Variants in MOV10L1 observed in about 807,000 individuals in gnomAD.
The protein encoded by MOV10L1 is Mov10 like RNA helicase 1.
A neutral mutation model predicts 143.8 loss-of-function variants in MOV10L1; 110 were observed. The observed-to-expected ratio is 0.76, with a 90% confidence interval of 0.66 to 0.90. MOV10L1 has a LOEUF of 0.90. MOV10L1 is among the 40% of genes least tolerant of loss of function. The probability of loss-of-function intolerance (pLI) is 0.00; values close to 1 mark genes in which losing one functional copy is unlikely to be tolerated. For missense variants in MOV10L1, 1,406 were observed against 1,526.8 expected, an observed-to-expected ratio of 0.92 and a Z score of 1.32; for synonymous variants, 593 against 581.1, an observed-to-expected ratio of 1.02 and a Z score of -0.29.
intron 8 of MOV10L1, 71 bp from the exon 9 acceptor site, chr22:50,117,086 A>G (rs996808503): frequency 2.1e-6 from 3 of 1,442,976 alleles, no homozygotes; most frequent in Admixed American, 2.1e-5. Flanking sequence ...TCTTGTATGT[A>G]CAAAGGAAAA....
In MOV10L1 at chr22:50,113,851, A is replaced by G. The variant is rs995654355; in HGVS notation, c.884+63A>G. On this transcript the variant is annotated intron_variant, in intron 6 of 26. Coordinates refer to ENST00000262794, the MANE Select transcript of MOV10L1 (RefSeq NM_018995.3). ...TTAATGGCTTTTACACTATGACTCAATAATTTCTGTAAAACCAACTTTACT... is the reference window on the plus strand; with the variant it reads ...TTAATGGCTTTTACACTATGACTCAGTAATTTCTGTAAAACCAACTTTACT... The G allele has an allele frequency of 1.8e-4, 245 of 1,360,828 alleles. No individual in the cohort carries two copies. In the African/African-American group the frequency reaches 3.0e-3, roughly 17 times the overall value. The allele number at this position is 1,360,828 out of a possible 1,614,324, so 84.3% of individuals were successfully genotyped here.
intron 3 of MOV10L1, among the ~76,000 whole-genome samples, chr22:50,106,047 T>C (rs1177845330): frequency 6.6e-6 from 1 of 152,250 alleles, no homozygotes; most frequent in Non-Finnish European, 1.5e-5. Flanking sequence ...TAGAAACATA[T>C]ATTTTTATCT....
intron 22 of MOV10L1, among the ~76,000 whole-genome samples, 175 bp from the exon 23 acceptor site, chr22:50,157,882 A>G (rs535587315): frequency 6.7e-6 from 1 of 148,162 alleles, no homozygotes; most frequent in Non-Finnish European, 1.5e-5. Context: ...ACTGTGAGCC[A>G]TTTCATCATT....
chr22:50,155,760 C>T (rs2063410786), intron 22 of MOV10L1, among the ~76,000 whole-genome samples: 1 of 152,220 alleles, frequency 6.6e-6, no homozygotes, highest in South Asian at 2.1e-4. Flanking sequence ...AGGCGTGAGC[C>T]ACCGCACCCC....
chr22:50,133,925 C>A, intron 13 of MOV10L1, 82 bp from the exon 14 acceptor site: 1 of 1,118,336 alleles, frequency 8.9e-7, no homozygotes, highest in Non-Finnish European at 1.3e-6. Context: ...AAGATTGTAT[C>A]ATAAAATTTT....
At position 50,144,236 on chromosome 22, in the gene MOV10L1, T is replaced by C. The variant is rs763727841; in HGVS notation, c.2498T>C (p.Phe833Ser). 1 of 1,601,064 alleles carries C rather than the reference T, an allele frequency of 6.2e-7. No individual in the cohort carries two copies. The highest frequency in any genetic ancestry group is 8.5e-7 in the Non-Finnish European group (1 of 1,170,322). The change falls in exon 18 of 27, where the codon TTC (phenylalanine) becomes TCC (serine). Residue 833 changes from phenylalanine to serine, a missense_variant. Around this residue, in one of 3 missense-constraint regions of MOV10L1, gnomAD observed 1,233 missense variants for 1,351.4 expected, o/e 0.91. Coordinates refer to ENST00000262794, the MANE Select transcript of MOV10L1 (RefSeq NM_018995.3). ...GTCCGGGTGAACGCCACCTGCAGGT[T>C]CGAGGAGGTGAGCCCTTGGTGCAAG... is the stretch of plus-strand genomic sequence containing the variant. ...TMVRVNATCRFEEIVIDAVKP... is the reference protein window; with the variant it reads ...TMVRVNATCRSEEIVIDAVKP...
Position 50,161,473 on chromosome 22 carries a change from G to A in MOV10L1, c.*24G>A, listed in dbSNP as rs1228031768. On this transcript the variant is annotated 3_prime_UTR_variant, in exon 27 of 27. Coordinates refer to ENST00000262794, the MANE Select transcript of MOV10L1 (RefSeq NM_018995.3). Reference sequence around the variant, plus strand: ...GATCTGCAGTGGCTGACAGCAGGGAGGCCATGTGCTCAGCCTGGCCACGTT... The same window carrying A: ...GATCTGCAGTGGCTGACAGCAGGGAAGCCATGTGCTCAGCCTGGCCACGTT... 1.9e-6 allele frequency: 3 copies of A among 1,564,410 alleles called. No individual in the cohort carries two copies. Among genetic ancestry groups the A allele is most frequent in the Non-Finnish European group, 2.6e-6 (3 of 1,154,058 alleles).
intron 13 of MOV10L1, among the ~76,000 whole-genome samples, chr22:50,132,540 T>C (rs967128937): frequency 1.3e-5 from 2 of 152,250 alleles, no homozygotes; most frequent in Admixed American, 1.3e-4. Context: ...TTGTCAGTTA[T>C]ACCTATTTAA....
chr22:50,148,153 A>G (rs529076713), intron 19 of MOV10L1, among the ~76,000 whole-genome samples: 1 of 152,348 alleles, frequency 6.6e-6, no homozygotes, highest in Non-Finnish European at 1.5e-5. Flanking sequence ...TGCGGGCCCA[A>G]GGTGCGTCCT....
chr22:50,113,516 CTG>C lies in MOV10L1; in HGVS notation c.744-129_744-128del, dbSNP rs2062079366. On this transcript the variant is annotated intron_variant, in intron 5 of 26. Coordinates refer to ENST00000262794, the MANE Select transcript of MOV10L1 (RefSeq NM_018995.3). The stretch of plus-strand genomic sequence containing the variant: ...TGCCATCCTCCTTAGAAACCTAAGT[CTG>C]TGGAAGCCCTGCCTGTGGTGAGGTG... 97 of 1,234,376 alleles carry C rather than the reference CTG, an allele frequency of 7.9e-5. 1 individual carries two copies. The South Asian group carries it at 1.4e-3, about 18-fold the overall frequency. The allele number at this position is 1,234,376 out of a possible 1,614,324, so 76.5% of individuals were successfully genotyped here.
At position 50,115,258 on chromosome 22, in the gene MOV10L1, G is replaced by A. The variant is rs1388631692; in HGVS notation, c.1259+12G>A. 2 of 1,491,662 alleles carry A rather than the reference G, an allele frequency of 1.3e-6. No individual in the cohort carries two copies. Among genetic ancestry groups the A allele is most frequent in the Non-Finnish European group, 1.8e-6 (2 of 1,128,356 alleles). The allele number at this position is 1,491,662 out of a possible 1,614,324, so 92.4% of individuals were successfully genotyped here. On this transcript the variant is annotated intron_variant, in intron 8 of 26. Transcript: ENST00000262794. ...ATCTGTGACGGAAAGTAAGGGCCTG[G>A]AGGTCTGGGGAGAGCCGCGTTTTTA...
At chr22:50,090,455 C>T (rs2062399766) in intron 1 of MOV10L1, 7 of 1,605,932 alleles carry the variant, frequency 4.4e-6, no homozygotes, top group African/African-American at 1.3e-5. Context: ...TTACGCCGAG[C>T]AGCTGCCAAG....
chr22:50,113,267 C>G (rs560305176), intron 5 of MOV10L1, among the ~76,000 whole-genome samples: 12 of 152,286 alleles, frequency 7.9e-5, no homozygotes, highest in South Asian at 6.2e-4. Flanking sequence ...TTTAGTGGAG[C>G]CCTAATAGGC....
chr22:50,115,270 G>A, intron 8 of MOV10L1, 24 bp downstream of exon 8: 1 of 1,472,256 alleles, frequency 6.8e-7, no homozygotes, highest in Non-Finnish European at 8.9e-7. Flanking sequence ...GGTCTGGGGA[G>A]AGCCGCGTTT....
rs780530081 is a variant in MOV10L1, at chr22:50,143,022, CTT to C, written c.2180-19_2180-18del. 6.2e-7 allele frequency: 1 copy of C among 1,610,782 alleles called. No individual in the cohort carries two copies. ...GAGAGCTGTTTGCATCTAACTGAAA[CTT>C]TCTTCACTTTGAATACAGTAGATGA... On this transcript the variant is annotated intron_variant, in intron 16 of 26. Coordinates refer to ENST00000262794, the MANE Select transcript of MOV10L1 (RefSeq NM_018995.3).
chr22:50,112,707 A>T (rs933774662), intron 5 of MOV10L1, among the ~76,000 whole-genome samples: 17 of 152,278 alleles, frequency 1.1e-4, no homozygotes, highest in Middle Eastern at 3.4e-3. Context: ...CTAGAAACAG[A>T]TCATGTGCCA....
At chr22:50,119,804 T>C (rs536342354) in intron 9 of MOV10L1, among the ~76,000 whole-genome samples, 5 of 151,684 alleles carry the variant, frequency 3.3e-5, no homozygotes, top group Non-Finnish European at 5.9e-5. Flanking sequence ...TGGGCTTCTC[T>C]CTTGGGTGAG....
chr22:50,144,477 C>T (rs1309035563), intron 18 of MOV10L1, among the ~76,000 whole-genome samples: 1 of 152,252 alleles, frequency 6.6e-6, no homozygotes, highest in East Asian at 1.9e-4. Flanking sequence ...CTATTGTGGG[C>T]ATTCGTAGCA....
intron 18 of MOV10L1, among the ~76,000 whole-genome samples, chr22:50,145,380 C>A (rs1024788976): frequency 6.6e-6 from 1 of 152,192 alleles, no homozygotes; most frequent in Non-Finnish European, 1.5e-5. Flanking sequence ...CGAGATTGCA[C>A]CATTGCACTC....
Sources: allele counts gnomAD v4.1 joint callset (sites outside exome capture counted in the v4.1 genomes callset), GRCh38; gene constraint gnomAD v4.1.1; regional missense constraint gnomAD v4.1.1; transcripts MANE v1.5; gene names NCBI Gene and HGNC (gene_info 2026-07-23, HGNC 2026-07-21).